USP54: variants seen among roughly 807,000 people sequenced by gnomAD.
USP54 encodes the protein ubiquitin carboxyl-terminal hydrolase 54.
USP54 carries 87 observed loss-of-function variants against 170.5 expected under a neutral mutation model. The observed-to-expected ratio is 0.51, with a 90% CI of 0.43 to 0.61. The LOEUF is 0.61. Ranked by LOEUF, USP54 falls within the 20% of genes least tolerant of loss-of-function variation. The probability of loss-of-function intolerance (pLI) is 0.00; values close to 1 mark genes in which losing one functional copy is unlikely to be tolerated. For missense variants in USP54, 1,786 were observed against 2,047.8 expected (o/e 0.87, Z 2.47); for synonymous variants, 655 against 742.8 (o/e 0.88, Z 1.92).
At chr10:73,603,447 G>A (rs2079359613) in intron 1 of USP54, among the ~76,000 whole-genome samples, 1 of 152,158 alleles carries the variant, frequency 6.6e-6, no homozygotes, top group Non-Finnish European at 1.5e-5. Context: ...ATGTGCAGTG[G>A]CTCACATCTG....
chr10:73,561,180 T>C (rs1207146493), intron 4 of USP54, among the ~76,000 whole-genome samples: 1 of 142,524 alleles, frequency 7.0e-6, no homozygotes, highest in African/African-American at 2.6e-5. Context: ...CACAGAAAAG[T>C]AGAGTGTTTA....
intron 3 of USP54, among the ~76,000 whole-genome samples, chr10:73,574,196 C>G (rs1247013366): frequency 6.6e-6 from 1 of 152,096 alleles, no homozygotes; most frequent in African/African-American, 2.4e-5. Flanking sequence ...TAAGATCACT[C>G]AAGTGGCAAG....
chr10:73,601,514 T>A (rs2079164287), intron 1 of USP54, among the ~76,000 whole-genome samples: 1 of 152,060 alleles, frequency 6.6e-6, no homozygotes, highest in South Asian at 2.1e-4. Context: ...TTTTTTTTTT[T>A]TCCTTTTTGC....
chr10:73,533,303 C>CA (rs1004230889), intron 12 of USP54, among the ~76,000 whole-genome samples: 135 of 134,658 alleles, frequency 1.0e-3, no homozygotes, highest in Middle Eastern at 7.5e-3. Flanking sequence ...GACTCCAACT[C>CA]AAAAAAAAAA....
intron 20 of USP54, among the ~76,000 whole-genome samples, chr10:73,510,113 G>A (rs766697702): frequency 6.6e-6 from 1 of 152,188 alleles, no homozygotes; most frequent in Non-Finnish European, 1.5e-5. Flanking sequence ...AAGGCGGGCG[G>A]ATCACGTGGT....
chr10:73,534,161 T>C (rs950257169), intron 12 of USP54, among the ~76,000 whole-genome samples: 6 of 152,170 alleles, frequency 3.9e-5, no homozygotes, highest in Non-Finnish European at 7.3e-5. Context: ...TTCTGTGCCA[T>C]TGTGCCTTTG....
intron 1 of USP54, among the ~76,000 whole-genome samples, chr10:73,603,906 A>G (rs1040718737): frequency 6.6e-6 from 1 of 152,090 alleles, no homozygotes; most frequent in African/African-American, 2.4e-5. Context: ...GGGAAAATAA[A>G]TCAAAACCAC....
upstream of USP54, among the ~76,000 whole-genome samples, chr10:73,595,983 T>C (rs1420380404): frequency 3.3e-5 from 5 of 150,690 alleles, no homozygotes; most frequent in African/African-American, 7.3e-5. Flanking sequence ...TGGTGGCGTG[T>C]GCCTGTAATC....
chr10:73,545,441 A>G (rs1356437805), intron 5 of USP54, 97 bp downstream of exon 5: 1 of 1,485,706 alleles, frequency 6.7e-7, no homozygotes, highest in African/African-American at 1.4e-5. Flanking sequence ...CTGTAGAGAT[A>G]AGGGCACAGC....
chr10:73,609,713 A>G (rs2079973701), intron 1 of USP54, among the ~76,000 whole-genome samples: 1 of 152,034 alleles, frequency 6.6e-6, no homozygotes, highest in Non-Finnish European at 1.5e-5. Context: ...GCATGGTGGC[A>G]GGCACCTATA....
At position 73,504,870 on chromosome 10, in the gene USP54, G is replaced by A. The variant is rs2058825027; in HGVS notation, c.4291C>T (p.Pro1431Ser). The stretch of plus-strand genomic sequence containing the variant: ...CTTACAAAACTGTGGGAAGAAACCG[G>A]AGCTTCCTCCCTCTCTGAGACAACG... ...GTVVSEREEA[P>S]VSSHSFDSSN... Residue 1431 changes from proline (P) to serine (S), a missense_variant, in exon 22 of 24, where the codon CCG becomes TCG. Transcript: ENST00000687698. 6.2e-7 allele frequency: 1 copy of A among 1,613,998 alleles called. No individual in the cohort carries two copies.
At chr10:73,569,662 G>T (rs936767906) in intron 4 of USP54, among the ~76,000 whole-genome samples, 1 of 149,606 alleles carries the variant, frequency 6.7e-6, no homozygotes, top group African/African-American at 2.5e-5. Flanking sequence ...TTGAGGAGAA[G>T]AATTGCTTGA....
chr10:73,569,796 A>C (rs1195218250), intron 4 of USP54, among the ~76,000 whole-genome samples: 3 of 150,658 alleles, frequency 2.0e-5, no homozygotes, highest in Non-Finnish European at 4.4e-5. Flanking sequence ...CATGGGCTTA[A>C]AACTCCAAAG....
At chr10:73,513,091 G>A (rs1378998834) in intron 20 of USP54, 3 of 152,044 alleles carry the variant, frequency 2.0e-5, no homozygotes, top group Non-Finnish European at 4.4e-5. Context: ...TTATTCTAAG[G>A]AGCTCATGAG....
intron 12 of USP54, among the ~76,000 whole-genome samples, chr10:73,532,348 AT>A (rs371124049): frequency 4.6e-5 from 7 of 151,466 alleles, no homozygotes; most frequent in African/African-American, 1.5e-4. Context: ...AACTTTTTGT[AT>A]TTTTTTTAGT....
chr10:73,523,823 C>A, intron 16 of USP54, 73 bp from the exon 17 acceptor site: 1 of 1,204,364 alleles, frequency 8.3e-7, no homozygotes. Flanking sequence ...TTTATGACCA[C>A]TGCAATACTT....
chr10:73,593,237 T>C (rs1185800078), upstream of USP54, among the ~76,000 whole-genome samples: 1 of 150,940 alleles, frequency 6.6e-6, no homozygotes, highest in African/African-American at 2.4e-5. Flanking sequence ...ATTAGCCTGG[T>C]GTGGTGGCAC....
intron 1 of USP54, among the ~76,000 whole-genome samples, chr10:73,623,651 A>AAAAC (rs995969241): frequency 3.3e-5 from 5 of 152,206 alleles, no homozygotes; most frequent in South Asian, 4.1e-4. Flanking sequence ...ACCCTGTTGC[A>AAAAC]AAACAAACAA....
At chr10:73,625,205 T>G (rs572336309) in intron 1 of USP54, among the ~76,000 whole-genome samples, 4 of 151,944 alleles carry the variant, frequency 2.6e-5, no homozygotes, top group Non-Finnish European at 5.9e-5. Context: ...TTCTCAAGAA[T>G]CGCTCTCTCC....
Sources: gnomAD v4.1 joint callset for allele counts (sites outside exome capture counted in the v4.1 genomes callset) on GRCh38, gnomAD v4.1.1 for gene constraint, MANE v1.5 for transcripts, NCBI Gene and HGNC (gene_info 2026-07-23, HGNC 2026-07-21) for gene names.